The following PKIB variants were observed in gnomAD, a reference collection of about 807,000 sequenced individuals.
PKIB encodes cAMP-dependent protein kinase inhibitor beta, also known as PKI-beta.
PKIB carries 2 observed loss-of-function variants against 4.5 expected under a neutral mutation model. That is an observed-to-expected ratio of 0.44 (90% CI 0.18 to 1.39). The LOEUF (loss-of-function observed/expected upper bound fraction) is 1.39. Among genes scored for constraint, PKIB ranks in the 40% most tolerant of loss-of-function variants. The pLI, the probability that PKIB is intolerant of heterozygous loss-of-function variation, is 0.27. For synonymous variants in PKIB, 38 were observed against 36.0 expected (o/e 1.06, Z -0.20); for missense variants, 94 against 92.6 (o/e 1.02, Z -0.06).
rs190743878 is a variant in PKIB at position 122,523,826 on chromosome 6, C to T, written c.-248+45887C>T. On this transcript the variant is annotated intron_variant, in intron 2 of 6. Transcript: ENST00000392491. ...TGTTCCCCTGCACAAGCTCTCTTTC[C>T]TGCCGCCATGTAAGATGTGCCTTTG... 4.0e-4 allele frequency among the ~76,000 whole-genome samples: 61 copies of T among 152,056 alleles called. 1 individual carries two copies. The highest frequency in any genetic ancestry group is 1.3e-3 in the African/African-American group (53 of 41,484).
rs533553939 is a variant in PKIB, at chr6:122,553,481, C to CTTTTTTTTTTT, written c.-247-32428_-247-32418dup. On this transcript the variant is annotated intron_variant, in intron 2 of 6. Coordinates refer to the PKIB transcript ENST00000392491. ...TCTCTCAAGATTGCTCAAATATCTT[C>CTTTTTTTTTTT]TTTTTTTTTTTTTTTTTTTTTTCTG... 1.8e-3 allele frequency among the ~76,000 whole-genome samples: 120 copies of CTTTTTTTTTTT among 65,814 alleles called. 28 individuals carry two copies. The highest frequency in any genetic ancestry group is 2.9e-3 in the African/African-American group (50 of 16,954). 43.2% of individuals were successfully genotyped at this position (65,814 alleles called of 152,430 possible).
chr6:122,539,502 G>T (rs1355751054), intron 2 of PKIB, among the ~76,000 whole-genome samples: 4 of 151,892 alleles, frequency 2.6e-5, no homozygotes, highest in African/African-American at 7.3e-5. Context: ...TTGCATATGT[G>T]GAACCAGCCT....
intron 3 of PKIB, among the ~76,000 whole-genome samples, chr6:122,711,291 G>GT (rs1254087120): frequency 2.6e-5 from 4 of 152,074 alleles, no homozygotes; most frequent in African/African-American, 4.8e-5. Flanking sequence ...GTTTGTTTTT[G>GT]TTTTTTGTTA....
chr6:122,501,017 T>G (rs1776216606), intron 2 of PKIB, among the ~76,000 whole-genome samples: 1 of 151,982 alleles, frequency 6.6e-6, no homozygotes, highest in Non-Finnish European at 1.5e-5. Context: ...CAGGACCCTC[T>G]CCCAACACGT....
At chr6:122,675,466 A>G (rs143370346) in intron 3 of PKIB, among the ~76,000 whole-genome samples, 1 of 152,316 alleles carries the variant, frequency 6.6e-6, no homozygotes, top group East Asian at 1.9e-4. Context: ...TACATATTTT[A>G]GAGAGTTTGT....
At chr6:122,700,552 C>T (rs954788997) in intron 3 of PKIB, among the ~76,000 whole-genome samples, 5 of 152,158 alleles carry the variant, frequency 3.3e-5, no homozygotes, top group Non-Finnish European at 7.4e-5. Context: ...GCAACAGAGA[C>T]ATAGTAAGCA....
At chr6:122,641,672 A>G (rs1297411769) in intron 2 of PKIB, among the ~76,000 whole-genome samples, 3 of 152,190 alleles carry the variant, frequency 2.0e-5, no homozygotes, top group African/African-American at 7.2e-5. Flanking sequence ...GTTAACTTAG[A>G]GGCATTCCTT....
At chr6:122,530,796 T>A (rs1384782723) in intron 2 of PKIB, among the ~76,000 whole-genome samples, 1 of 152,212 alleles carries the variant, frequency 6.6e-6, no homozygotes, top group Non-Finnish European at 1.5e-5. Flanking sequence ...TCAACTCTCC[T>A]GTTTTTGGCA....
At chr6:122,622,634 T>A (rs1775284805) in intron 1 of PKIB, among the ~76,000 whole-genome samples, 1 of 152,090 alleles carries the variant, frequency 6.6e-6, no homozygotes, top group Non-Finnish European at 1.5e-5. Context: ...TCCCCATGGA[T>A]CAGTCATAAG....
chr6:122,472,969 G>A (rs1338080797), intron 1 of PKIB, among the ~76,000 whole-genome samples: 4 of 152,014 alleles, frequency 2.6e-5, no homozygotes, highest in Non-Finnish European at 4.4e-5. Context: ...AAAATTAGCC[G>A]GGCATGGTGG....
intron 2 of PKIB, among the ~76,000 whole-genome samples, chr6:122,572,588 C>T (rs1773397495): frequency 7.3e-6 from 1 of 137,894 alleles, no homozygotes; most frequent in East Asian, 2.1e-4. Context: ...AATAACAAAG[C>T]AAATCCAAAT....
intron 2 of PKIB, among the ~76,000 whole-genome samples, chr6:122,530,578 G>T (rs1777226115): frequency 6.6e-6 from 1 of 152,058 alleles, no homozygotes. Flanking sequence ...CCTTCAAGCA[G>T]GGAAGACTTT....
chr6:122,653,787 C>G (rs1048740781), intron 2 of PKIB, among the ~76,000 whole-genome samples: 7 of 152,030 alleles, frequency 4.6e-5, no homozygotes, highest in African/African-American at 1.7e-4. Context: ...ATGGTGAAAC[C>G]CTGTCTCTAC....
intron 3 of PKIB, among the ~76,000 whole-genome samples, chr6:122,595,123 AG>A (rs1774137966): frequency 6.6e-6 from 1 of 152,192 alleles, no homozygotes; most frequent in Non-Finnish European, 1.5e-5. Context: ...GTGGATCACT[AG>A]GGGTGATGGC....
intron 3 of PKIB, among the ~76,000 whole-genome samples, chr6:122,692,594 A>G (rs555350400): frequency 1.5e-4 from 23 of 152,228 alleles, no homozygotes; most frequent in South Asian, 2.1e-4. Context: ...GTGGGCTCCC[A>G]TCTGGCCCAT....
intron 2 of PKIB, among the ~76,000 whole-genome samples, chr6:122,667,268 T>C (rs1777257780): frequency 6.6e-6 from 1 of 152,208 alleles, no homozygotes; most frequent in Admixed American, 6.5e-5. Flanking sequence ...TATTAAAATG[T>C]TGTAAGTCGG....
intron 1 of PKIB, among the ~76,000 whole-genome samples, chr6:122,626,915 C>T (rs1344380432): frequency 1.3e-5 from 2 of 151,874 alleles, no homozygotes. Context: ...ATTCAAAGGA[C>T]AATTTAAATT....
At chr6:122,505,073 G>A (rs574692573) in intron 2 of PKIB, among the ~76,000 whole-genome samples, 114 of 152,320 alleles carry the variant, frequency 7.5e-4, no homozygotes, top group African/African-American at 1.1e-3. Context: ...GAGGCAGTAC[G>A]TCATAGGCGT....
chr6:122,673,023 C>T (rs1777528478), intron 2 of PKIB, among the ~76,000 whole-genome samples: 1 of 151,790 alleles, frequency 6.6e-6, no homozygotes. Context: ...TAATAAAAAA[C>T]ATGGATGAAA....
Sources: gnomAD v4.1 joint callset for allele counts (sites outside exome capture counted in the v4.1 genomes callset) on GRCh38, gnomAD v4.1.1 for gene constraint, MANE v1.5 for transcripts, NCBI Gene and HGNC (gene_info 2026-07-23, HGNC 2026-07-21) for gene names.